Variants in DOK6 observed in about 807,000 individuals in gnomAD.
The protein encoded by DOK6 is downstream of tyrosine kinase 6.
A neutral mutation model predicts 44.0 loss-of-function variants in DOK6; 22 were observed. That is an observed-to-expected ratio of 0.50 (90% confidence interval 0.36 to 0.71). The LOEUF (loss-of-function observed/expected upper bound fraction) is 0.71. Among genes scored for constraint, DOK6 ranks in the 30% least tolerant of loss-of-function variants. The probability of loss-of-function intolerance (pLI) is 0.00; values close to 1 mark genes in which losing one functional copy is unlikely to be tolerated. For missense variants in DOK6, 340 were observed against 416.4 expected (o/e 0.82, Z 1.60); for synonymous variants, 166 against 145.5 (o/e 1.14, Z -1.01).
At chr18:69,495,172 A>G (rs1399650424) in intron 1 of DOK6, among the ~76,000 whole-genome samples, 1 of 152,200 alleles carries the variant, frequency 6.6e-6, no homozygotes. Context: ...AACGCAGTGG[A>G]AGCCTGGGGA....
At chr18:69,536,378 A>C (rs1982123086) in intron 1 of DOK6, among the ~76,000 whole-genome samples, 2 of 152,200 alleles carry the variant, frequency 1.3e-5, no homozygotes, top group African/African-American at 4.8e-5. Context: ...GACTGATAAA[A>C]CATAAACTGC....
At chr18:69,800,305 C>T (rs1980866270) in intron 7 of DOK6, among the ~76,000 whole-genome samples, 1 of 152,018 alleles carries the variant, frequency 6.6e-6, no homozygotes, top group African/African-American at 2.4e-5. Flanking sequence ...TTCTCTTCCC[C>T]ATTATATTTT....
At chr18:69,754,351 CAAAAAAA>C (rs34141961) in intron 6 of DOK6, among the ~76,000 whole-genome samples, 1 of 121,484 alleles carries the variant, frequency 8.2e-6, no homozygotes, top group Non-Finnish European at 1.6e-5. Flanking sequence ...ACCCTATCTC[CAAAAAAA>C]AAAAAAAAAA....
chr18:69,587,055 T>C (rs1462954837), intron 2 of DOK6, among the ~76,000 whole-genome samples: 3 of 152,204 alleles, frequency 2.0e-5, no homozygotes, highest in Non-Finnish European at 4.4e-5. Flanking sequence ...ATTTTCGTGG[T>C]TGTCTTTCTA....
intron 3 of DOK6, among the ~76,000 whole-genome samples, chr18:69,666,000 G>T (rs1049319543): frequency 1.3e-5 from 2 of 151,994 alleles, no homozygotes; most frequent in Non-Finnish European, 2.9e-5. Flanking sequence ...CCATTCACAG[G>T]CTTTAAGAAA....
intron 6 of DOK6, among the ~76,000 whole-genome samples, chr18:69,750,232 G>A (rs1216497509): frequency 6.6e-6 from 1 of 151,910 alleles, no homozygotes; most frequent in Non-Finnish European, 1.5e-5. Context: ...TCATTTGGAA[G>A]GGTAGGGGCT....
intron 5 of DOK6, among the ~76,000 whole-genome samples, chr18:69,736,992 G>C (rs758785663): frequency 3.3e-5 from 5 of 152,170 alleles, no homozygotes; most frequent in African/African-American, 1.2e-4. Context: ...ATGCTTTGAG[G>C]AGCAAGTCAA....
Position 69,456,548 on chromosome 18 carries a change from T to G in DOK6, c.66+55238T>G, listed in dbSNP as rs531948370. Among the ~76,000 whole-genome samples the G allele has an allele frequency of 2.0e-5, 3 of 152,244 alleles. No individual in the cohort carries two copies. The South Asian group carries it at 6.2e-4, about 32-fold the overall frequency. On this transcript the variant is annotated intron_variant, in intron 1 of 7. Transcript: ENST00000382713. ...ATCATATTTTCTTTATCCACCTTAC[T>G]GCTGATGGATACCTAAATTGAGTCC...
At position 69,838,237 on chromosome 18, in the gene DOK6, T is replaced by TAAAAA. The variant is rs541410720; in HGVS notation, c.857-2995_857-2991dup. ...TCTCTTTCAGATATGTCTAAAACTT[T>TAAAAA]AAAAAAAAAAAAAAAACAGGATAAA... On this transcript the variant is annotated intron_variant, in intron 7 of 7. Coordinates refer to ENST00000382713, the MANE Select transcript of DOK6 (RefSeq NM_152721.6). Among the ~76,000 whole-genome samples, 365 of 140,792 alleles carry TAAAAA rather than the reference T, an allele frequency of 2.6e-3. 1 individual carries two copies. Among genetic ancestry groups the TAAAAA allele is most frequent in the African/African-American group, 8.2e-3 (320 of 38,906 alleles). 92.4% of individuals were successfully genotyped at this position (140,792 alleles called of 152,430 possible).
chr18:69,840,580 AG>A (rs1982188161), intron 7 of DOK6, among the ~76,000 whole-genome samples: 1 of 152,240 alleles, frequency 6.6e-6, no homozygotes, highest in Non-Finnish European at 1.5e-5. Context: ...CCAAAAGCAT[AG>A]ACAGAATTTT....
At chr18:69,596,729 A>G (rs1381060686) in intron 2 of DOK6, among the ~76,000 whole-genome samples, 1 of 152,180 alleles carries the variant, frequency 6.6e-6, no homozygotes, top group African/African-American at 2.4e-5. Flanking sequence ...GTCCAACCGT[A>G]ACAAAAAACA....
chr18:69,401,215 G>T lies in DOK6; in HGVS notation c.-30G>T. ...GGCTCTCGACTCCGGAGAGCGGATC[G>T]CGGGGCGCAGGAGCCCGATCGCGCT... On this transcript the variant is annotated 5_prime_UTR_variant, in exon 1 of 8. Coordinates refer to ENST00000382713, the MANE Select transcript of DOK6 (RefSeq NM_152721.6). 6.5e-7 allele frequency: 1 copy of T among 1,540,100 alleles called. No homozygotes were observed. Among genetic ancestry groups the T allele is most frequent in the Non-Finnish European group, 8.7e-7 (1 of 1,144,990 alleles).
intron 1 of DOK6, among the ~76,000 whole-genome samples, chr18:69,548,311 A>G (rs929958377): frequency 2.6e-5 from 4 of 151,246 alleles, no homozygotes; most frequent in Admixed American, 6.6e-5. Context: ...TTGATTCTAC[A>G]TCTTGCTATT....
intron 1 of DOK6, among the ~76,000 whole-genome samples, chr18:69,544,954 C>T (rs1982363055): frequency 6.6e-6 from 1 of 151,012 alleles, no homozygotes; most frequent in African/African-American, 2.4e-5. Context: ...CATGGTGAAA[C>T]CCCATCTCTA....
At chr18:69,718,412 CAAG>C (rs1986931571) in intron 5 of DOK6, among the ~76,000 whole-genome samples, 2 of 152,030 alleles carry the variant, frequency 1.3e-5, no homozygotes, top group Admixed American at 1.3e-4. Context: ...TTCCATGCAA[CAAG>C]AAGTAACATT....
chr18:69,584,551 CA>C (rs1200588681), intron 2 of DOK6, among the ~76,000 whole-genome samples: 1 of 152,172 alleles, frequency 6.6e-6, no homozygotes. Context: ...TTCGGCCTCC[CA>C]AAGTGCTGGG....
chr18:69,504,649 T>C (rs1044312463), intron 1 of DOK6, among the ~76,000 whole-genome samples: 1 of 152,118 alleles, frequency 6.6e-6, no homozygotes, highest in Non-Finnish European at 1.5e-5. Context: ...CAAAAAGAAA[T>C]CTTTTTTCTT....
At chr18:69,712,039 T>C (rs572959607) in intron 5 of DOK6, among the ~76,000 whole-genome samples, 6 of 151,888 alleles carry the variant, frequency 4.0e-5, no homozygotes, top group Admixed American at 1.3e-4. Context: ...CCCAGCACTT[T>C]GGGAGGCCGA....
chr18:69,523,885 T>C (rs1478222629), intron 1 of DOK6, among the ~76,000 whole-genome samples: 1 of 152,040 alleles, frequency 6.6e-6, no homozygotes, highest in Non-Finnish European at 1.5e-5. Context: ...GAACATCATC[T>C]ACAAATGCAT....
Sources: gnomAD v4.1 joint callset for allele counts (sites outside exome capture counted in the v4.1 genomes callset) on GRCh38, gnomAD v4.1.1 for gene constraint, MANE v1.5 for transcripts, NCBI Gene and HGNC (gene_info 2026-07-23, HGNC 2026-07-21) for gene names.